The following CC2D2B variants were observed in gnomAD, a reference collection of about 807,000 sequenced individuals.
The protein encoded by CC2D2B is coiled-coil and C2 domain containing 2B, also known as protein CC2D2B.
CC2D2B carries 128 observed loss-of-function variants against 161.2 expected under a neutral mutation model. That is an observed-to-expected ratio of 0.79 (90% CI 0.69 to 0.92). CC2D2B has a LOEUF of 0.92. Ranked by LOEUF, CC2D2B falls within the 40% of genes least tolerant of loss-of-function variation. The pLI is 0.00. For missense variants in CC2D2B, 1,173 were observed against 1,375.1 expected (o/e 0.85, Z 2.32); for synonymous variants, 391 against 449.8 (o/e 0.87, Z 1.65).
chr10:95,963,315 T>A (rs2076831072), intron 12 of CC2D2B, among the ~76,000 whole-genome samples: 1 of 152,192 alleles, frequency 6.6e-6, no homozygotes, highest in Non-Finnish European at 1.5e-5. Context: ...CTGGTCCTTG[T>A]GAGCCCTAAC....
chr10:96,029,241 CAT>C (rs56195141), intron 34 of CC2D2B, among the ~76,000 whole-genome samples: 876 of 66,872 alleles, frequency 0.013, 2 homozygotes, highest in Non-Finnish European at 0.022. Context: ...TTTCATGTAC[CAT>C]ATATATATAT....
At chr10:95,924,063 G>C (rs929589584) in intron 3 of CC2D2B, among the ~76,000 whole-genome samples, 1 of 151,942 alleles carries the variant, frequency 6.6e-6, no homozygotes, top group African/African-American at 2.4e-5. Context: ...ATAGAGGATA[G>C]AAAAGTTGTC....
intron 24 of CC2D2B, among the ~76,000 whole-genome samples, chr10:96,003,126 C>T (rs1425806992): frequency 6.6e-6 from 1 of 151,410 alleles, no homozygotes; most frequent in Admixed American, 6.6e-5. Flanking sequence ...GGTGGCATTA[C>T]CTTGAGTAAG....
intron 32 of CC2D2B, 68 bp from the exon 33 acceptor site, chr10:96,024,785 A>G (rs1043888269): frequency 2.2e-6 from 2 of 900,370 alleles, no homozygotes; most frequent in Non-Finnish European, 3.5e-6. Flanking sequence ...TATAGCTGGC[A>G]TTCCAGGAGT....
intron 6 of CC2D2B, among the ~76,000 whole-genome samples, chr10:95,931,854 G>A (rs968646420): frequency 6.6e-6 from 1 of 152,202 alleles, no homozygotes; most frequent in Non-Finnish European, 1.5e-5. Context: ...TGTATATTCT[G>A]TTGATTTGGG....
chr10:95,926,848 C>CTCTGTGTGTG (rs2098539990), intron 5 of CC2D2B, among the ~76,000 whole-genome samples: 3 of 106,902 alleles, frequency 2.8e-5, no homozygotes, highest in Admixed American at 1.8e-4. Flanking sequence ...GTGTGTGTGT[C>CTCTGTGTGTG]TGTGTGTGTG....
Position 95,993,952 on chromosome 10 carries a change from GTATATATA to G in CC2D2B, c.2643-1278_2643-1271del, listed in dbSNP as rs1169560460. Among the ~76,000 whole-genome samples, 54 of 18,172 alleles carry G rather than the reference GTATATATA, an allele frequency of 3.0e-3. 1 individual carries two copies. The highest frequency in any genetic ancestry group is 7.3e-3 in the African/African-American group (49 of 6,728). 11.9% of individuals were successfully genotyped at this position (18,172 alleles called of 152,430 possible). A position where few individuals can be genotyped will look rare whatever the true frequency, so the allele number is the denominator to read the frequency against. ...TGTGTGTGTGTGTGTGTATGTATGT[GTATATATA>G]TATATATATATATATATATATATAT... On this transcript the variant is annotated intron_variant, in intron 22 of 34. Coordinates refer to ENST00000646931, the MANE Select transcript of CC2D2B (RefSeq NM_001349008.3).
chr10:95,960,206 T>C (rs2076714148), intron 11 of CC2D2B, among the ~76,000 whole-genome samples: 1 of 152,168 alleles, frequency 6.6e-6, no homozygotes, highest in African/African-American at 2.4e-5. Context: ...TCACACTTCT[T>C]ATGGCATTTA....
intron 22 of CC2D2B, among the ~76,000 whole-genome samples, chr10:95,994,120 T>C (rs1285198472): frequency 6.7e-6 from 1 of 150,372 alleles, no homozygotes; most frequent in Non-Finnish European, 1.5e-5. Flanking sequence ...AGGGGACCAC[T>C]ACCACCAAGA....
At chr10:96,015,231 A>ATTTTTTTTTTTTTTTTTTTTTTT in intron 29 of CC2D2B, among the ~76,000 whole-genome samples, 1 of 111,332 alleles carries the variant, frequency 9.0e-6, no homozygotes, top group Non-Finnish European at 1.7e-5. Context: ...GGCCCAGCTA[A>ATTTTTTTTTTTTTTTTTTTTTTT]TTTTTTTTTT....
chr10:96,025,184 TAA>T (rs1279667652), intron 33 of CC2D2B, among the ~76,000 whole-genome samples: 249 of 20,618 alleles, frequency 0.012, 6 homozygotes, highest in Non-Finnish European at 0.018. Flanking sequence ...TATATATATA[TAA>T]AAAAAAATAT....
chr10:95,982,525 C>G (rs867451544), intron 18 of CC2D2B, among the ~76,000 whole-genome samples: 1 of 152,204 alleles, frequency 6.6e-6, no homozygotes, highest in Non-Finnish European at 1.5e-5. Flanking sequence ...CTGAACTGCT[C>G]TATGTACCTC....
intron 9 of CC2D2B, among the ~76,000 whole-genome samples, chr10:95,940,245 A>AT (rs1309764615): frequency 6.6e-6 from 1 of 152,182 alleles, no homozygotes; most frequent in Non-Finnish European, 1.5e-5. Flanking sequence ...TAAACCATTC[A>AT]TGAAGGACCC....
Position 95,982,030 on chromosome 10 carries a change from G to A in CC2D2B, c.1999G>A (p.Glu667Lys), listed in dbSNP as rs968806516. 2.4e-6 allele frequency: 3 copies of A among 1,230,418 alleles called. No homozygotes were observed. Among genetic ancestry groups the A allele is most frequent in the Admixed American group, 8.4e-5 (2 of 23,712 alleles). The allele number at this position is 1,230,418 out of a possible 1,614,324, so 76.2% of individuals were successfully genotyped here. ...SVPGIPWLMN[E>K]QKLFEWANEV... ...TCCTGGAATTCCATGGCTCATGAAT[G>A]AACAGAAGCTTTTTGAATGGGCAAA... is the stretch of plus-strand genomic sequence containing the variant. The change falls in exon 18 of 35, where the codon GAA (glutamate) becomes AAA (lysine). Residue 667 changes from glutamate to lysine, a missense_variant. Physicochemically the swap from Glu to Lys is moderately conservative, Grantham distance 56. Around this residue, in one of 3 missense-constraint regions of CC2D2B, gnomAD observed 277 missense variants for 420.6 expected, o/e 0.66. Coordinates refer to ENST00000646931, the MANE Select transcript of CC2D2B (RefSeq NM_001349008.3).
intron 6 of CC2D2B, among the ~76,000 whole-genome samples, chr10:95,935,051 A>G (rs1490963988): frequency 6.6e-6 from 1 of 152,020 alleles, no homozygotes. Flanking sequence ...TTGTATTTTT[A>G]GTAGAGATGG....
intron 22 of CC2D2B, among the ~76,000 whole-genome samples, chr10:95,993,645 A>G (rs1250895644): frequency 4.0e-5 from 6 of 151,332 alleles, no homozygotes; most frequent in Non-Finnish European, 5.9e-5. Context: ...AAAGACATAT[A>G]AAATCACCAC....
At chr10:95,931,506 C>A (rs906973973) in intron 6 of CC2D2B, among the ~76,000 whole-genome samples, 1 of 152,112 alleles carries the variant, frequency 6.6e-6, no homozygotes, top group African/African-American at 2.4e-5. Context: ...CCCACTTTTT[C>A]CTGTGGGCTT....
At chr10:96,026,282 C>T (rs1274587574) in intron 33 of CC2D2B, among the ~76,000 whole-genome samples, 1 of 152,190 alleles carries the variant, frequency 6.6e-6, no homozygotes, top group African/African-American at 2.4e-5. Flanking sequence ...CCAACCCACA[C>T]TGTGTCCCCT....
chr10:95,943,062 C>T (rs1203764230), intron 9 of CC2D2B, among the ~76,000 whole-genome samples: 7 of 151,994 alleles, frequency 4.6e-5, no homozygotes, highest in Admixed American at 4.6e-4. Flanking sequence ...TTCTTAGTTT[C>T]GATTTCACTC....
Sources: allele counts gnomAD v4.1 joint callset (sites outside exome capture counted in the v4.1 genomes callset), GRCh38; gene constraint gnomAD v4.1.1; regional missense constraint gnomAD v4.1.1; transcripts MANE v1.5; gene names NCBI Gene and HGNC (gene_info 2026-07-23, HGNC 2026-07-21).